The following ST8SIA2 variants were observed in gnomAD, a reference collection of about 807,000 sequenced individuals.
ST8SIA2 encodes the protein alpha-2,8-sialyltransferase 8B.
Under a neutral mutation model 37.6 loss-of-function variants are expected in ST8SIA2, and 22 were observed. The ratio of observed to expected loss-of-function variants is 0.58; its 90% confidence interval spans 0.42 to 0.83. The LOEUF (loss-of-function observed/expected upper bound fraction) is 0.83, where lower values mean the gene tolerates loss of function less well. ST8SIA2 is among the 40% of genes least tolerant of loss of function. The pLI, the probability that ST8SIA2 is intolerant of heterozygous loss-of-function variation, is 0.00. For synonymous variants in ST8SIA2, 205 were observed against 201.2 expected, an observed-to-expected ratio of 1.02 and a Z score of -0.16; for missense variants, 382 against 484.7, an observed-to-expected ratio of 0.79 and a Z score of 1.99.
At chr15:92,419,149 C>G (rs984369252) in intron 1 of ST8SIA2, among the ~76,000 whole-genome samples, 2 of 152,280 alleles carry the variant, frequency 1.3e-5, no homozygotes, top group Admixed American at 1.3e-4. Context: ...CACCCTCATC[C>G]AACACCGATG....
chr15:92,463,681 G>A (rs2049971911), intron 5 of ST8SIA2, among the ~76,000 whole-genome samples: 1 of 152,210 alleles, frequency 6.6e-6, no homozygotes, highest in Non-Finnish European at 1.5e-5. Flanking sequence ...TATTGGGATT[G>A]TTGTGGCCCA....
intron 2 of ST8SIA2, among the ~76,000 whole-genome samples, chr15:92,433,882 C>T (rs1249773221): frequency 2.6e-5 from 4 of 152,092 alleles, no homozygotes; most frequent in Non-Finnish European, 5.9e-5. Flanking sequence ...TCATTTGATA[C>T]TTTGTTGCTC....
intron 5 of ST8SIA2, among the ~76,000 whole-genome samples, chr15:92,446,061 AAAC>A (rs1294011563): frequency 3.3e-5 from 5 of 152,378 alleles, no homozygotes; most frequent in African/African-American, 1.2e-4. Context: ...TGGCTTAAAA[AAAC>A]AACAACATCC....
At chr15:92,430,538 T>C (rs2049707949) in intron 2 of ST8SIA2, among the ~76,000 whole-genome samples, 1 of 152,234 alleles carries the variant, frequency 6.6e-6, no homozygotes, top group Admixed American at 6.5e-5. Context: ...CCTCTTAAAA[T>C]ATTTAGGGAG....
chr15:92,404,454 C>T (rs1473805171), intron 1 of ST8SIA2, among the ~76,000 whole-genome samples: 3 of 151,934 alleles, frequency 2.0e-5, no homozygotes, highest in East Asian at 1.9e-4. Context: ...AACAGTATGA[C>T]GGTTCCTCAA....
At chr15:92,458,524 G>A (rs2049935155) in intron 5 of ST8SIA2, among the ~76,000 whole-genome samples, 1 of 152,186 alleles carries the variant, frequency 6.6e-6, no homozygotes, top group Non-Finnish European at 1.5e-5. Context: ...CGCTTGGGGA[G>A]ACCACAGTAC....
intron 5 of ST8SIA2, among the ~76,000 whole-genome samples, chr15:92,456,595 G>A (rs2049921414): frequency 6.6e-6 from 1 of 152,208 alleles, no homozygotes; most frequent in African/African-American, 2.4e-5. Flanking sequence ...AGGTCCAGGA[G>A]GCTTCCTGCA....
intron 2 of ST8SIA2, among the ~76,000 whole-genome samples, chr15:92,433,519 C>T (rs1202334623): frequency 6.6e-6 from 1 of 152,194 alleles, no homozygotes; most frequent in Non-Finnish European, 1.5e-5. Context: ...GGGGTGTTTA[C>T]CCAGAATCGT....
At chr15:92,434,643 G>A (rs553612931) in intron 3 of ST8SIA2, among the ~76,000 whole-genome samples, 3 of 152,048 alleles carry the variant, frequency 2.0e-5, no homozygotes, top group South Asian at 2.1e-4. Flanking sequence ...TTGAGTCTCG[G>A]GTCAGCAGCA....
At chr15:92,430,198 T>C in intron 2 of ST8SIA2, 87 bp downstream of exon 2, 1 of 1,304,442 alleles carries the variant, frequency 7.7e-7, no homozygotes, top group Middle Eastern at 2.5e-4. Context: ...GGTGCCCTTC[T>C]TACTTAGCAA....
intron 1 of ST8SIA2, among the ~76,000 whole-genome samples, chr15:92,399,972 T>C (rs959732635): frequency 6.6e-6 from 1 of 152,238 alleles, no homozygotes; most frequent in Non-Finnish European, 1.5e-5. Context: ...TGCCTCTGTC[T>C]GTAGCCGGCC....
chr15:92,466,892 C>T lies in ST8SIA2; in HGVS notation c.*2507C>T, dbSNP rs1159313868. The stretch of plus-strand genomic sequence containing the variant: ...ATTCAGAGTTCAATTTGAGCCTCCA[C>T]TGCAGTTCCTGGTGTGGGCCAGCTG... On this transcript the variant is annotated 3_prime_UTR_variant, in exon 6 of 6. Transcript: ENST00000268164. 1 of 152,470 alleles carries T rather than the reference C, an allele frequency of 6.6e-6. No individual in the cohort carries two copies. The highest frequency in any genetic ancestry group is 2.4e-5 in the African/African-American group (1 of 41,452). 9.4% of individuals were successfully genotyped at this position (152,470 alleles called of 1,614,324 possible).
At chr15:92,422,767 T>C (rs1318225573) in intron 1 of ST8SIA2, 5 of 152,574 alleles carry the variant, frequency 3.3e-5, no homozygotes, top group Non-Finnish European at 1.5e-5. Context: ...AGACAACAAA[T>C]TCAAAAAGCT....
At chr15:92,436,480 A>G (rs2049759481) in intron 3 of ST8SIA2, among the ~76,000 whole-genome samples, 1 of 152,250 alleles carries the variant, frequency 6.6e-6, no homozygotes, top group African/African-American at 2.4e-5. Flanking sequence ...GATTATTCAT[A>G]ATAAAAGATT....
At chr15:92,413,165 T>C (rs537154400) in intron 1 of ST8SIA2, among the ~76,000 whole-genome samples, 10 of 152,294 alleles carry the variant, frequency 6.6e-5, no homozygotes, top group African/African-American at 2.4e-4. Flanking sequence ...TCAGTGCCCG[T>C]TGCAGAGTAG....
chr15:92,429,552 A>G (rs17600009), intron 1 of ST8SIA2, among the ~76,000 whole-genome samples: 1,708 of 152,334 alleles, frequency 0.011, 24 homozygotes, highest in African/African-American at 0.026. Flanking sequence ...TCACATTTGA[A>G]TGGAGGCACT....
In ST8SIA2 at chr15:92,461,585, C is replaced by T. The variant is rs75072710; in HGVS notation, c.843-2515C>T. ...GATGGGCAAAAGCTCAAAGGAATCTCAATCTGAGCCTTGGTAGCAGGAGGC... is the reference window on the plus strand; with the variant it reads ...GATGGGCAAAAGCTCAAAGGAATCTTAATCTGAGCCTTGGTAGCAGGAGGC... On this transcript the variant is annotated intron_variant, in intron 5 of 5. Transcript: ENST00000268164. Among the ~76,000 whole-genome samples, 723 of 152,310 alleles carry T rather than the reference C, an allele frequency of 4.7e-3. 7 individuals carry two copies. Among genetic ancestry groups the T allele is most frequent in the African/African-American group, 0.017 (694 of 41,554 alleles).
intron 5 of ST8SIA2, among the ~76,000 whole-genome samples, chr15:92,456,076 GC>G (rs2049917395): frequency 6.6e-6 from 1 of 152,252 alleles, no homozygotes; most frequent in African/African-American, 2.4e-5. Context: ...GAAGGCTTAA[GC>G]CCCCAAGAAA....
chr15:92,463,937 G>T (rs561748654), intron 5 of ST8SIA2, among the ~76,000 whole-genome samples, 163 bp from the exon 6 acceptor site: 1 of 152,154 alleles, frequency 6.6e-6, no homozygotes, highest in South Asian at 2.1e-4. Context: ...TGCTTCATGT[G>T]CTTGTCACTC....
Sources: allele counts gnomAD v4.1 joint callset (sites outside exome capture counted in the v4.1 genomes callset), GRCh38; gene constraint gnomAD v4.1.1; transcripts MANE v1.5; gene names NCBI Gene and HGNC (gene_info 2026-07-23, HGNC 2026-07-21).